Variants in ERC2 observed in about 807,000 individuals in gnomAD.
ERC2 encodes ELKS/RAB6-interacting/CAST family member 2.
Under a neutral mutation model 114.8 loss-of-function variants are expected in ERC2, and 42 were observed. The observed-to-expected ratio is 0.37, with a 90% CI of 0.29 to 0.47. The LOEUF (loss-of-function observed/expected upper bound fraction) is 0.47, where lower values mean the gene tolerates loss of function less well. Ranked by LOEUF, ERC2 falls within the 20% of genes least tolerant of loss-of-function variation. ERC2 has a pLI of 0.99. For missense variants in ERC2, 939 were observed against 1,150.7 expected, an observed-to-expected ratio of 0.82 and a Z score of 2.66; for synonymous variants, 454 against 425.5, an observed-to-expected ratio of 1.07 and a Z score of -0.82.
chr3:55,679,073 T>C (rs1471008894), intron 17 of ERC2, among the ~76,000 whole-genome samples: 1 of 152,222 alleles, frequency 6.6e-6, no homozygotes, highest in Non-Finnish European at 1.5e-5. Flanking sequence ...AATCATGTCA[T>C]GTCCCTGCTT....
intron 2 of ERC2, among the ~76,000 whole-genome samples, chr3:56,406,449 CTTG>C (rs1162134441): frequency 6.6e-6 from 1 of 152,196 alleles, no homozygotes; most frequent in East Asian, 1.9e-4. Flanking sequence ...ATTTCACCCC[CTTG>C]TTGTAATTGT....
chr3:55,711,036 C>T (rs1479514872), intron 15 of ERC2, among the ~76,000 whole-genome samples: 1 of 152,188 alleles, frequency 6.6e-6, no homozygotes, highest in Non-Finnish European at 1.5e-5. Flanking sequence ...ATGTCCATGA[C>T]CTGTAACACC....
At chr3:56,397,918 A>C (rs1236511346) in intron 2 of ERC2, among the ~76,000 whole-genome samples, 2 of 152,188 alleles carry the variant, frequency 1.3e-5, no homozygotes, top group Non-Finnish European at 2.9e-5. Context: ...CAGGCAGCAG[A>C]AGAAGGGGGG....
At chr3:56,337,024 G>C (rs2057883175) in intron 2 of ERC2, among the ~76,000 whole-genome samples, 1 of 152,144 alleles carries the variant, frequency 6.6e-6, no homozygotes, top group Non-Finnish European at 1.5e-5. Context: ...GAGAGGTATA[G>C]TTGAGACATG....
Position 55,944,033 on chromosome 3 carries a change from G to C in ERC2, c.2403+6392C>G, listed in dbSNP as rs6792336. Among the ~76,000 whole-genome samples, 920 of 152,220 alleles carry C rather than the reference G, an allele frequency of 6.0e-3. 14 individuals are homozygous for C. Among genetic ancestry groups the C allele is most frequent in the African/African-American group, 0.021 (884 of 41,542 alleles). On this transcript the variant is annotated intron_variant, in intron 13 of 17. Transcript: ENST00000288221. Reference sequence around the variant, plus strand: ...TTCAGGGACCAAAAGCCACAAAATAGGATAACGTCTAAAAAATAGTGTGAG... The same window carrying C: ...TTCAGGGACCAAAAGCCACAAAATACGATAACGTCTAAAAAATAGTGTGAG...
At chr3:55,961,892 C>G (rs572393572) in intron 12 of ERC2, among the ~76,000 whole-genome samples, 1 of 148,096 alleles carries the variant, frequency 6.8e-6, no homozygotes, top group African/African-American at 2.5e-5. Flanking sequence ...TGGACTGATT[C>G]TTCACATTGA....
In ERC2 at chr3:55,530,772, C is replaced by A. The variant is rs550265631; in HGVS notation, c.*40-19496G>T. On this transcript the variant is annotated intron_variant, in intron 17 of 17. Transcript: ENST00000288221. ...GCACAGGAACTTGGCCCACCACTGT[C>A]ACTTGCTCATCACTGGGAAATCAAA... Among the ~76,000 whole-genome samples the A allele has an allele frequency of 5.9e-5, 9 of 152,278 alleles. No homozygotes were observed. In the South Asian group the frequency reaches 1.7e-3, roughly 28 times the overall value.
intron 17 of ERC2, among the ~76,000 whole-genome samples, chr3:55,680,839 T>A (rs951187550): frequency 6.6e-6 from 1 of 152,036 alleles, no homozygotes; most frequent in African/African-American, 2.4e-5. Context: ...ATAAAGAGAA[T>A]TGGGAAGCAG....
intron 2 of ERC2, among the ~76,000 whole-genome samples, chr3:56,306,366 C>T (rs2056227468): frequency 6.6e-6 from 1 of 152,108 alleles, no homozygotes; most frequent in African/African-American, 2.4e-5. Flanking sequence ...AATAGTCCAT[C>T]AACAGGAAAA....
At chr3:56,421,041 C>G (rs1377131847) in intron 2 of ERC2, among the ~76,000 whole-genome samples, 3 of 152,156 alleles carry the variant, frequency 2.0e-5, no homozygotes, top group African/African-American at 7.2e-5. Context: ...TGAATTGATC[C>G]TGGTGTTGGT....
intron 2 of ERC2, among the ~76,000 whole-genome samples, chr3:56,424,570 C>T (rs2061498383): frequency 6.6e-6 from 1 of 152,222 alleles, no homozygotes; most frequent in Non-Finnish European, 1.5e-5. Context: ...ATTATCCTAC[C>T]TTCTAGCAAA....
At chr3:56,070,084 T>C (rs990448609) in intron 7 of ERC2, among the ~76,000 whole-genome samples, 12 of 152,360 alleles carry the variant, frequency 7.9e-5, no homozygotes, top group Admixed American at 2.6e-4. Context: ...TTTTGAATCA[T>C]GGACTTCCCT....
chr3:56,239,832 T>G (rs938570641), intron 3 of ERC2, among the ~76,000 whole-genome samples: 1 of 152,246 alleles, frequency 6.6e-6, no homozygotes, highest in African/African-American at 2.4e-5. Flanking sequence ...GGCTGAAATG[T>G]ATCTCTGGCT....
intron 12 of ERC2, among the ~76,000 whole-genome samples, chr3:55,966,793 G>GAC (rs1269027299): frequency 2.2e-4 from 33 of 152,144 alleles, no homozygotes; most frequent in Non-Finnish European, 4.4e-5. Flanking sequence ...GCAGCTGTAA[G>GAC]ACTGTTTATC....
At chr3:55,748,528 G>A (rs1277377504) in intron 14 of ERC2, among the ~76,000 whole-genome samples, 3 of 152,190 alleles carry the variant, frequency 2.0e-5, no homozygotes, top group Non-Finnish European at 4.4e-5. Flanking sequence ...GACAGACCCT[G>A]TGATGATGCC....
At chr3:55,746,006 G>C (rs1026101425) in intron 14 of ERC2, among the ~76,000 whole-genome samples, 3 of 152,036 alleles carry the variant, frequency 2.0e-5, no homozygotes. Context: ...CAAATTGTCC[G>C]CCTACATCTT....
chr3:55,585,342 C>T (rs142988810), intron 17 of ERC2, among the ~76,000 whole-genome samples: 310 of 152,274 alleles, frequency 2.0e-3, no homozygotes, highest in African/African-American at 7.2e-3. Context: ...CCAGTAATTG[C>T]CCTTGGACAT....
chr3:55,634,163 GT>G (rs1185995797), intron 17 of ERC2, among the ~76,000 whole-genome samples: 1 of 152,172 alleles, frequency 6.6e-6, no homozygotes, highest in Non-Finnish European at 1.5e-5. Flanking sequence ...AGGAATGCAG[GT>G]CACAGAATGC....
At chr3:56,232,589 C>A (rs190453389) in intron 3 of ERC2, among the ~76,000 whole-genome samples, 54 of 152,290 alleles carry the variant, frequency 3.5e-4, no homozygotes, top group Non-Finnish European at 7.2e-4. Context: ...AAGTCACAAT[C>A]TCAACAGGAC....
Sources: allele counts gnomAD v4.1 joint callset (sites outside exome capture counted in the v4.1 genomes callset), GRCh38; gene constraint gnomAD v4.1.1; transcripts MANE v1.5; gene names NCBI Gene and HGNC (gene_info 2026-07-23, HGNC 2026-07-21).